C6: variants seen among roughly 807,000 people sequenced by gnomAD.
C6 encodes complement C6.
In C6, 101 loss-of-function variants were observed where a neutral mutation model predicts 112.9. That is an observed-to-expected ratio of 0.89 (90% CI 0.76 to 1.06). C6 has a LOEUF of 1.06. C6 is among the 50% of genes least tolerant of loss of function. The pLI is 0.00. For synonymous variants in C6, 431 were observed against 384.1 expected (o/e 1.12, Z -1.43); for missense variants, 1,202 against 1,104.6 (o/e 1.09, Z -1.25).
upstream of C6, among the ~76,000 whole-genome samples, chr5:41,215,053 G>A (rs1752149597): frequency 6.6e-6 from 1 of 152,090 alleles, no homozygotes; most frequent in South Asian, 2.1e-4. Flanking sequence ...TCCATCTTGG[G>A]TTCTTTTGGA....
At chr5:41,151,036 G>A (rs1746345742) in intron 15 of C6, among the ~76,000 whole-genome samples, 1 of 152,186 alleles carries the variant, frequency 6.6e-6, no homozygotes, top group Admixed American at 6.5e-5. Flanking sequence ...TAGGGTCTTT[G>A]AAGGGTTTTG....
chr5:41,252,207 A>G (rs1741403803), intron 1 of C6, among the ~76,000 whole-genome samples: 1 of 152,260 alleles, frequency 6.6e-6, no homozygotes. Flanking sequence ...AGCATTGTGT[A>G]TTCAAAGAAA....
chr5:41,164,218 T>C (rs1464781011), intron 9 of C6, among the ~76,000 whole-genome samples: 1 of 152,146 alleles, frequency 6.6e-6, no homozygotes, highest in Non-Finnish European at 1.5e-5. Context: ...GTAAAAACAA[T>C]GAACAATTAC....
intron 10 of C6, among the ~76,000 whole-genome samples, chr5:41,161,458 G>A (rs1053922258): frequency 6.6e-6 from 1 of 151,962 alleles, no homozygotes; most frequent in Non-Finnish European, 1.5e-5. Flanking sequence ...CCATTTCCTG[G>A]TGTTTCATGC....
chr5:41,232,226 G>A (rs1739948560), intron 1 of C6, among the ~76,000 whole-genome samples: 1 of 152,030 alleles, frequency 6.6e-6, no homozygotes, highest in Non-Finnish European at 1.5e-5. Flanking sequence ...TTACTTCTTT[G>A]TATGTTTCCC....
At chr5:41,176,823 T>A in intron 7 of C6, 108 bp from the exon 8 acceptor site, 1 of 1,088,006 alleles carries the variant, frequency 9.2e-7, no homozygotes, top group Non-Finnish European at 1.3e-6. Context: ...ACCACAGAAT[T>A]ACAATAATTC....
intron 1 of C6, among the ~76,000 whole-genome samples, chr5:41,212,540 T>C: frequency 6.6e-6 from 1 of 152,222 alleles, no homozygotes; most frequent in South Asian, 2.1e-4. Context: ...ATATGGTTTC[T>C]TATTTATTAA....
At chr5:41,182,665 T>C (rs1297802946) in intron 6 of C6, among the ~76,000 whole-genome samples, 1 of 152,244 alleles carries the variant, frequency 6.6e-6, no homozygotes, top group Admixed American at 6.5e-5. Flanking sequence ...CAATAAGGTA[T>C]AGCTTAGGTT....
intron 9 of C6, among the ~76,000 whole-genome samples, chr5:41,167,305 A>C (rs1748065070): frequency 1.3e-5 from 2 of 152,180 alleles, no homozygotes; most frequent in African/African-American, 4.8e-5. Context: ...TTGAACTAAA[A>C]TATCAAGAGC....
chr5:41,146,932 A>G (rs1289032034), intron 17 of C6, among the ~76,000 whole-genome samples: 1 of 151,760 alleles, frequency 6.6e-6, no homozygotes, highest in Non-Finnish European at 1.5e-5. Context: ...AAAAAAAAAA[A>G]TTATTTCCAA....
chr5:41,142,756 C>T lies in C6; in HGVS notation c.*69G>A. The stretch of plus-strand genomic sequence containing the variant: ...CCAGTCTGCTGTTTGTGCAAGAATT[C>T]TCATTTGTAGGAGTTGGTTCTTCGG... On this transcript the variant is annotated 3_prime_UTR_variant, in exon 18 of 18. Coordinates refer to ENST00000337836, the MANE Select transcript of C6 (RefSeq NM_000065.5). The T allele has an allele frequency of 8.1e-7, 1 of 1,227,144 alleles. No individual in the cohort carries two copies. The highest frequency in any genetic ancestry group is 1.2e-6 in the Non-Finnish European group (1 of 828,798). The allele number at this position is 1,227,144 out of a possible 1,614,324, so 76.0% of individuals were successfully genotyped here.
intron 1 of C6, among the ~76,000 whole-genome samples, chr5:41,227,363 C>T (rs528107888): frequency 2.0e-4 from 31 of 152,082 alleles, no homozygotes; most frequent in Admixed American, 6.6e-4. Flanking sequence ...AACTCTTCAT[C>T]AGACGTATGG....
chr5:41,154,150 A>G, intron 14 of C6, 152 bp from the exon 15 acceptor site: 1 of 697,058 alleles, frequency 1.4e-6, no homozygotes, highest in East Asian at 2.7e-5. Context: ...CCTGGGGGAT[A>G]AGAATCCTGG....
chr5:41,222,577 A>G (rs892360587), intron 1 of C6, among the ~76,000 whole-genome samples: 1 of 152,178 alleles, frequency 6.6e-6, no homozygotes, highest in South Asian at 2.1e-4. Context: ...AATAATGGAA[A>G]AAAGTTTGAA....
chr5:41,199,926 A>G lies in C6; in HGVS notation c.301-14T>C. The G allele has an allele frequency of 6.2e-7, 1 of 1,613,322 alleles. No individual in the cohort carries two copies. ...TCTAACTTTAGACTGAAAGGAAAGA[A>G]GAGAAAGATATAACTCTGAGGCAGG... On this transcript the variant is annotated splice_polypyrimidine_tract_variant and intron_variant, in intron 3 of 17. Coordinates refer to ENST00000337836, the MANE Select transcript of C6 (RefSeq NM_000065.5).
chr5:41,241,479 A>T (rs1385101838), intron 1 of C6, among the ~76,000 whole-genome samples: 2 of 152,226 alleles, frequency 1.3e-5, no homozygotes, highest in Non-Finnish European at 2.9e-5. Flanking sequence ...TTGAACTGTG[A>T]TTCCCTGGAC....
At chr5:41,256,008 G>T (rs1580263888) in intron 1 of C6, among the ~76,000 whole-genome samples, 3 of 152,300 alleles carry the variant, frequency 2.0e-5, no homozygotes, top group African/African-American at 7.2e-5. Flanking sequence ...TGCAGTGAGA[G>T]CAAATGTCAT....
In C6 at chr5:41,188,558, A is replaced by G. The variant is rs956980005; in HGVS notation, c.588-2350T>C. Among the ~76,000 whole-genome samples the G allele has an allele frequency of 2.4e-4, 36 of 152,188 alleles. 1 individual carries two copies. The highest frequency in any genetic ancestry group is 3.4e-3 in the Middle Eastern group (1 of 294). On this transcript the variant is annotated intron_variant, in intron 5 of 17. Coordinates refer to ENST00000337836, the MANE Select transcript of C6 (RefSeq NM_000065.5). ...TAAATGAATGGTGCTGTAATGACCTAATGGTTATATTGCAAATGAATGAAA... is the reference window on the plus strand; with the variant it reads ...TAAATGAATGGTGCTGTAATGACCTGATGGTTATATTGCAAATGAATGAAA...
At position 41,142,826 on chromosome 5, in the gene C6, T is replaced by C. The variant is rs763383258; in HGVS notation, c.2804A>G (p.Ter935TrpextTer5). 5.0e-6 allele frequency: 8 copies of C among 1,612,012 alleles called. No individual in the cohort carries two copies. Among genetic ancestry groups the C allele is most frequent in the Non-Finnish European group, 6.8e-6 (8 of 1,178,238 alleles). ...GTGCTGGGCCTAGCAGTAATTGTGC[T>C]AGGCCAAACACTTTCCAGGATGCAG... Reference protein sequence around the residue: ...EILHPGKCLA* With the variant: ...EILHPGKCLAW Residue 935 changes from the stop codon to tryptophan, a stop_lost, in exon 18 of 18, where the codon TAG becomes TGG. Coordinates refer to ENST00000337836, the MANE Select transcript of C6 (RefSeq NM_000065.5).
Sources: gnomAD v4.1 joint callset for allele counts (sites outside exome capture counted in the v4.1 genomes callset) on GRCh38, gnomAD v4.1.1 for gene constraint, MANE v1.5 for transcripts, NCBI Gene and HGNC (gene_info 2026-07-23, HGNC 2026-07-21) for gene names.